KIAA1614: variants seen among roughly 807,000 people sequenced by gnomAD.
KIAA1614 encodes KIAA1614, also known as uncharacterized protein KIAA1614.
KIAA1614 carries 76 observed loss-of-function variants against 88.7 expected under a neutral mutation model. The observed-to-expected ratio is 0.86, with a 90% CI of 0.71 to 1.04. The LOEUF is 1.04. Ranked by LOEUF, KIAA1614 falls within the 50% of genes least tolerant of loss-of-function variation. KIAA1614 has a pLI of 0.00. For missense variants in KIAA1614, 1,553 were observed against 1,582.5 expected, an observed-to-expected ratio of 0.98 and a Z score of 0.32; for synonymous variants, 714 against 675.5, an observed-to-expected ratio of 1.06 and a Z score of -0.88.
At chr1:180,928,862 T>A (rs944287981) in intron 4 of KIAA1614, among the ~76,000 whole-genome samples, 1 of 152,216 alleles carries the variant, frequency 6.6e-6, no homozygotes, top group Non-Finnish European at 1.5e-5. Flanking sequence ...TATTCAATTA[T>A]GTGGACTGTG....
intron 6 of KIAA1614, 138 bp from the exon 7 acceptor site, chr1:180,940,904 GGTT>G (rs1654444622): frequency 1.4e-6 from 1 of 718,436 alleles, no homozygotes; most frequent in South Asian, 1.9e-5. Context: ...TCTACAGCCT[GGTT>G]GTTAGTTCCT....
intron 7 of KIAA1614, among the ~76,000 whole-genome samples, chr1:180,943,550 C>CTTTTTTTTTTTTTTTTTTTTT (rs60128001): frequency 2.0e-5 from 2 of 98,218 alleles, no homozygotes; most frequent in African/African-American, 8.4e-5. Flanking sequence ...GGTAGTAGAT[C>CTTTTTTTTTTTTTTTTTTTTT]TTTTTTTTTT....
intron 5 of KIAA1614, among the ~76,000 whole-genome samples, 175 bp downstream of exon 5, chr1:180,936,845 G>C (rs1654347434): frequency 6.6e-6 from 1 of 152,184 alleles, no homozygotes; most frequent in African/African-American, 2.4e-5. Context: ...TGAGGTGTCA[G>C]GGGTGCTGGT....
At position 180,935,207 on chromosome 1, in the gene KIAA1614, G is replaced by T. The variant is rs1451027314; in HGVS notation, c.1298G>T (p.Gly433Val). Residue 433 changes from glycine to valine, a missense_variant, in exon 5 of 9, where the codon GGA becomes GTA. Physicochemically the swap from Gly to Val is moderately radical, Grantham distance 109. Coordinates refer to ENST00000367588, the MANE Select transcript of KIAA1614 (RefSeq NM_020950.2). The surrounding 1 kb of genome is among the most constrained non-coding windows in gnomAD (Gnocchi z 6.1). The stretch of plus-strand genomic sequence containing the variant: ...GGGCACACGAGCGATTCCTCCAGCG[G>T]AGAGTCCAGCGGTGGGCACAGGCCG... ...QNGHTSDSSS[G>V]ESSGGHRPRR... The T allele has an allele frequency of 6.6e-7, 1 of 1,512,508 alleles. No individual in the cohort carries two copies. The highest frequency in any genetic ancestry group is 2.6e-5 in the East Asian group (1 of 39,110). 93.7% of individuals were successfully genotyped at this position (1,512,508 alleles called of 1,614,324 possible). A position where few individuals can be genotyped will look rare whatever the true frequency, so the allele number is the denominator to read the frequency against.
At chr1:180,925,043 C>T (rs1654038458) in intron 3 of KIAA1614, among the ~76,000 whole-genome samples, 3 of 152,094 alleles carry the variant, frequency 2.0e-5, no homozygotes, top group Admixed American at 1.3e-4. Flanking sequence ...TCCTAAGTAA[C>T]CTGCCAGGGT....
In KIAA1614 at chr1:180,938,478, C is replaced by T. The variant is rs80082531; in HGVS notation, c.2762-77C>T. On this transcript the variant is annotated intron_variant, in intron 5 of 8. Transcript: ENST00000367588. ...GCTTCTTCTCACCCTCCCCCTGTTG[C>T]TGGGAATGTCCCATTCCCCCACAGG... The T allele has an allele frequency of 2.9e-3, 4,271 of 1,484,092 alleles. 109 individuals are homozygous for T. The African/African-American group carries it at 0.054, about 19-fold the overall frequency. The allele number at this position is 1,484,092 out of a possible 1,614,324, so 91.9% of individuals were successfully genotyped here.
chr1:180,933,712 C>T (rs1299682198), intron 4 of KIAA1614, among the ~76,000 whole-genome samples: 4 of 152,118 alleles, frequency 2.6e-5, no homozygotes, highest in African/African-American at 4.8e-5. Flanking sequence ...CTTGACTATT[C>T]GCCACAGTGT....
intron 2 of KIAA1614, 89 bp from the exon 3 acceptor site, chr1:180,917,762 G>GTTTCTCC: frequency 9.2e-7 from 1 of 1,081,390 alleles, no homozygotes; most frequent in Non-Finnish European, 1.4e-6. Flanking sequence ...TGCTTCTGGA[G>GTTTCTCC]AAACTCTTCT....
At chr1:180,915,844 C>T (rs759205406) in intron 1 of KIAA1614, among the ~76,000 whole-genome samples, 1 of 152,148 alleles carries the variant, frequency 6.6e-6, no homozygotes, top group Non-Finnish European at 1.5e-5. Context: ...GTGAACTGCG[C>T]ATGTGAGGGA....
intron 3 of KIAA1614, among the ~76,000 whole-genome samples, chr1:180,920,343 C>T (rs997563916): frequency 1.9e-4 from 29 of 152,336 alleles, no homozygotes; most frequent in Admixed American, 5.9e-4. Context: ...GAGTGCCACT[C>T]GAAGCCAGGG....
intron 4 of KIAA1614, among the ~76,000 whole-genome samples, chr1:180,930,836 T>C (rs1239497448): frequency 2.0e-5 from 3 of 152,246 alleles, no homozygotes; most frequent in Non-Finnish European, 2.9e-5. Flanking sequence ...GCCAGATGGC[T>C]TGCTGCAGAT....
chr1:180,941,006 G>GGGCGCCC, intron 6 of KIAA1614, 39 bp from the exon 7 acceptor site: 1 of 908,444 alleles, frequency 1.1e-6, no homozygotes, highest in Non-Finnish European at 1.5e-6. Flanking sequence ...CACCCTCCCG[G>GGGCGCCC]CCCTCCCCCG....
At position 180,951,065 on chromosome 1, in the gene KIAA1614, A is replaced by G. The variant is rs1001123617; in HGVS notation, c.*5477A>G. ...AATACCAGCCTTACAGCCATTGACCATATATGCCAAACCAAAATCAGAACG... is the reference window on the plus strand; with the variant it reads ...AATACCAGCCTTACAGCCATTGACCGTATATGCCAAACCAAAATCAGAACG... On this transcript the variant is annotated 3_prime_UTR_variant, in exon 9 of 9. Coordinates refer to ENST00000367588, the MANE Select transcript of KIAA1614 (RefSeq NM_020950.2). 6.6e-6 allele frequency: 1 copy of G among 152,234 alleles called. No homozygotes were observed. Among genetic ancestry groups the G allele is most frequent in the East Asian group, 1.9e-4 (1 of 5,202 alleles). The allele number at this position is 152,234 out of a possible 1,614,324, so 9.4% of individuals were successfully genotyped here. A position where few individuals can be genotyped will look rare whatever the true frequency, so the allele number is the denominator to read the frequency against.
intron 2 of KIAA1614, 56 bp from the exon 3 acceptor site, chr1:180,917,795 G>C: frequency 7.0e-7 from 1 of 1,419,474 alleles, no homozygotes; most frequent in Non-Finnish European, 1.0e-6. Context: ...CTAAGTGGCA[G>C]CTGAGAGCCC....
In KIAA1614 at chr1:180,938,653, G is replaced by A; in HGVS notation, c.2860G>A (p.Glu954Lys). ...CTCAGAGGAGTCAGAGTCCAGCAAGGAATCAGAGGGAAGCCTGCAGAGGAC... is the reference window on the plus strand; with the variant it reads ...CTCAGAGGAGTCAGAGTCCAGCAAGAAATCAGAGGGAAGCCTGCAGAGGAC... ...LSSEESESSKESEGSLQRTGS... is the reference protein window; with the variant it reads ...LSSEESESSKKSEGSLQRTGS... The change falls in exon 6 of 9, where the codon GAA becomes AAA. Residue 954 changes from glutamate to lysine, a missense_variant. Coordinates refer to ENST00000367588, the MANE Select transcript of KIAA1614 (RefSeq NM_020950.2). 1 of 1,614,156 alleles carries A rather than the reference G, an allele frequency of 6.2e-7. No homozygotes were observed. The highest frequency in any genetic ancestry group is 1.1e-5 in the South Asian group (1 of 91,058).
rs748020998 is a variant in KIAA1614 at position 180,936,183 on chromosome 1, G to A, written c.2274G>A (p.Ser758=). 4.5e-5 allele frequency: 72 copies of A among 1,613,962 alleles called. No homozygotes were observed. The highest frequency in any genetic ancestry group is 3.3e-4 in the Middle Eastern group (2 of 6,084). The change falls in exon 5 of 9, where the codon TCG becomes TCA. Residue 758 remains serine (S), a synonymous_variant. Transcript: ENST00000367588. ...CCGCCCCCATGACGCCTGAATCATC[G>A]GGGCCAGGAGGCCAGGCCCAGGTTA... ...ATTAPMTPES[S]GPGGQAQVTE... is the part of the protein sequence containing the mutation.
At chr1:180,932,094 C>T (rs1292328645) in intron 4 of KIAA1614, among the ~76,000 whole-genome samples, 1 of 152,120 alleles carries the variant, frequency 6.6e-6, no homozygotes. Context: ...GATACAAGTA[C>T]AGGTAGGGCC....
At chr1:180,923,966 A>C (rs1394967477) in intron 3 of KIAA1614, among the ~76,000 whole-genome samples, 1 of 152,042 alleles carries the variant, frequency 6.6e-6, no homozygotes, top group Non-Finnish European at 1.5e-5. Context: ...CCCCACCGAG[A>C]CTAAAGCAAA....
intron 3 of KIAA1614, 30 bp downstream of exon 3, chr1:180,917,944 C>T (rs1425650236): frequency 6.3e-7 from 1 of 1,580,308 alleles, no homozygotes; most frequent in African/African-American, 1.3e-5. Flanking sequence ...ATTTTCTCTC[C>T]CTCCCTCCTC....
Sources: gnomAD v4.1 joint callset for allele counts (sites outside exome capture counted in the v4.1 genomes callset) on GRCh38, gnomAD v4.1.1 for gene constraint, Gnocchi (gnomAD v3.1) non-coding constraint, MANE v1.5 for transcripts, NCBI Gene and HGNC (gene_info 2026-07-23, HGNC 2026-07-21) for gene names.